FAM171A1: variants seen among roughly 807,000 people sequenced by gnomAD.
FAM171A1 encodes the protein protein FAM171A1.
In FAM171A1, 23 loss-of-function variants were observed where a neutral mutation model predicts 74.9. The ratio of observed to expected loss-of-function variants is 0.31; its 90% CI spans 0.22 to 0.44. The LOEUF is 0.44. Ranked by LOEUF, FAM171A1 falls within the 20% of genes least tolerant of loss-of-function variation. FAM171A1 has a pLI of 1.00. For synonymous variants in FAM171A1, 527 were observed against 505.7 expected (o/e 1.04, Z -0.57); for missense variants, 1,162 against 1,159.2 (o/e 1.00, Z -0.03).
In FAM171A1 at chr10:15,327,876, G is replaced by A. The variant is rs993425861; in HGVS notation, c.97+43080C>T. Among the ~76,000 whole-genome samples, 9 of 149,932 alleles carry A rather than the reference G, an allele frequency of 6.0e-5. No individual in the cohort carries two copies. The South Asian group carries it at 1.7e-3, about 28-fold the overall frequency. On this transcript the variant is annotated intron_variant, in intron 1 of 7. Transcript: ENST00000378116. ...CTGCACACTAAACCCTACCACCCCC[G>A]TGACACACAATTTACCCATATCACA...
chr10:15,299,065 C>A (rs867122340), intron 1 of FAM171A1, among the ~76,000 whole-genome samples: 1 of 152,100 alleles, frequency 6.6e-6, no homozygotes, highest in Non-Finnish European at 1.5e-5. Context: ...GGATTACAGG[C>A]ACGCACCACC....
chr10:15,262,360 G>A (rs1366878606), intron 3 of FAM171A1, among the ~76,000 whole-genome samples: 1 of 152,168 alleles, frequency 6.6e-6, no homozygotes, highest in Admixed American at 6.5e-5. Flanking sequence ...CACAGAAAAG[G>A]CAGCTGGAGT....
chr10:15,366,958 G>A (rs1210009685), intron 1 of FAM171A1, among the ~76,000 whole-genome samples: 1 of 152,148 alleles, frequency 6.6e-6, no homozygotes, highest in Non-Finnish European at 1.5e-5. Flanking sequence ...CAGCACTTTG[G>A]GAGGCTGAGG....
intron 1 of FAM171A1, among the ~76,000 whole-genome samples, chr10:15,295,145 C>A (rs960478834): frequency 6.6e-6 from 1 of 151,938 alleles, no homozygotes; most frequent in African/African-American, 2.4e-5. Context: ...ACCATGTTGG[C>A]CAGACTGGTC....
intron 1 of FAM171A1, among the ~76,000 whole-genome samples, chr10:15,340,706 A>G (rs1366499377): frequency 6.6e-6 from 1 of 152,176 alleles, no homozygotes; most frequent in Non-Finnish European, 1.5e-5. Flanking sequence ...TTTCAGTCTG[A>G]GGAGTGGTTT....
At chr10:15,312,801 G>A (rs1308562494) in intron 1 of FAM171A1, among the ~76,000 whole-genome samples, 1 of 141,922 alleles carries the variant, frequency 7.0e-6, no homozygotes, top group Non-Finnish European at 1.5e-5. Flanking sequence ...AGGTCTAAGC[G>A]ATTCTCCTGC....
chr10:15,279,955 C>A (rs1015226147), intron 2 of FAM171A1, among the ~76,000 whole-genome samples: 1 of 151,988 alleles, frequency 6.6e-6, no homozygotes, highest in Non-Finnish European at 1.5e-5. Flanking sequence ...AGTGTGGTGG[C>A]GTGCACCTGT....
At position 15,231,544 on chromosome 10, in the gene FAM171A1, C is replaced by A. The variant is rs530181599; in HGVS notation, c.755-10484G>T. Among the ~76,000 whole-genome samples the A allele has an allele frequency of 2.6e-5, 4 of 151,886 alleles. No homozygotes were observed. The South Asian group carries it at 8.4e-4, about 32-fold the overall frequency. On this transcript the variant is annotated intron_variant, in intron 5 of 7. Transcript: ENST00000378116. Reference sequence around the variant, plus strand: ...AACGAGCTCCGGGTGATGCAGGTGCCGTTCATCAGCAGATCTCACTCCGAG... The same window carrying A: ...AACGAGCTCCGGGTGATGCAGGTGCAGTTCATCAGCAGATCTCACTCCGAG...
chr10:15,304,963 AC>A (rs1459898878), intron 1 of FAM171A1, among the ~76,000 whole-genome samples: 1 of 151,990 alleles, frequency 6.6e-6, no homozygotes, highest in African/African-American at 2.4e-5. Context: ...CAAACTCCTG[AC>A]CTCAAGTGAT....
chr10:15,304,065 G>A (rs1214135314), intron 1 of FAM171A1, among the ~76,000 whole-genome samples: 1 of 152,178 alleles, frequency 6.6e-6, no homozygotes, highest in Non-Finnish European at 1.5e-5. Flanking sequence ...TGGAGAAAAA[G>A]TTGCAGAAAG....
At chr10:15,282,755 A>T (rs562611110) in intron 2 of FAM171A1, among the ~76,000 whole-genome samples, 1 of 151,972 alleles carries the variant, frequency 6.6e-6, no homozygotes, top group Non-Finnish European at 1.5e-5. Context: ...TCTGTCACCC[A>T]GGCTGGAGTG....
intron 1 of FAM171A1, among the ~76,000 whole-genome samples, chr10:15,313,963 G>A: frequency 6.6e-6 from 1 of 152,212 alleles, no homozygotes; most frequent in East Asian, 1.9e-4. Context: ...TCCTCGATCT[G>A]CATAGTGCAA....
At chr10:15,327,685 C>T (rs78399798) in intron 1 of FAM171A1, among the ~76,000 whole-genome samples, 13,343 of 152,008 alleles carry the variant, frequency 0.088, 636 homozygotes, top group South Asian at 0.12. Context: ...ATGATAAATG[C>T]CACATGTTCT....
chr10:15,311,889 G>A (rs896899451), intron 1 of FAM171A1, among the ~76,000 whole-genome samples: 1 of 152,196 alleles, frequency 6.6e-6, no homozygotes, highest in Non-Finnish European at 1.5e-5. Flanking sequence ...CCTAGACAGT[G>A]CTAGTCCAAG....
chr10:15,308,755 T>C (rs1240497693), intron 1 of FAM171A1, among the ~76,000 whole-genome samples: 1 of 152,238 alleles, frequency 6.6e-6, no homozygotes, highest in Admixed American at 6.5e-5. Flanking sequence ...TTAGTTCCTT[T>C]TTAAACCTGA....
At chr10:15,223,196 T>G (rs941669481) in intron 5 of FAM171A1, among the ~76,000 whole-genome samples, 1 of 152,128 alleles carries the variant, frequency 6.6e-6, no homozygotes, top group African/African-American at 2.4e-5. Flanking sequence ...TTTTAAAAAG[T>G]AAGAAAAAGG....
intron 6 of FAM171A1, among the ~76,000 whole-genome samples, chr10:15,217,752 C>T (rs1201816081): frequency 2.0e-5 from 3 of 151,942 alleles, no homozygotes; most frequent in Non-Finnish European, 4.4e-5. Context: ...ATTCTCCTGC[C>T]TCAGCCTCCT....
rs559605103 is a variant in FAM171A1 at position 15,361,046 on chromosome 10, G to A, written c.97+9910C>T. Among the ~76,000 whole-genome samples, 11 of 151,900 alleles carry A rather than the reference G, an allele frequency of 7.2e-5. No individual in the cohort carries two copies. In the South Asian group the frequency reaches 1.9e-3, roughly 26 times the overall value. On this transcript the variant is annotated intron_variant, in intron 1 of 7. Coordinates refer to ENST00000378116, the MANE Select transcript of FAM171A1 (RefSeq NM_001010924.2). The stretch of plus-strand genomic sequence containing the variant: ...TTGGACCTAACTTTTGCAAGCCCTC[G>A]TCTTACCTTTATAAGAAACTATAAT...
chr10:15,273,658 C>T (rs1157545886), intron 3 of FAM171A1, among the ~76,000 whole-genome samples: 1 of 152,168 alleles, frequency 6.6e-6, no homozygotes, highest in Non-Finnish European at 1.5e-5. Context: ...AAACCGAATC[C>T]AGCAGCACAT....
Sources: gnomAD v4.1 joint callset for allele counts (sites outside exome capture counted in the v4.1 genomes callset) on GRCh38, gnomAD v4.1.1 for gene constraint, MANE v1.5 for transcripts, NCBI Gene and HGNC (gene_info 2026-07-23, HGNC 2026-07-21) for gene names.